POTEE: variants seen among roughly 807,000 people sequenced by gnomAD.
POTEE encodes ANKRD26-like family C member 1A.
POTEE carries 21 observed loss-of-function variants against 74.2 expected under a neutral mutation model. That is an observed-to-expected ratio of 0.28 (90% confidence interval 0.20 to 0.41). The LOEUF is 0.41. Ranked by LOEUF, POTEE falls within the 10% of genes least tolerant of loss-of-function variation. The pLI is 1.00. For missense variants in POTEE, 525 were observed against 1,158.6 expected, an observed-to-expected ratio of 0.45 and a Z score of 7.94; for synonymous variants, 211 against 432.8, an observed-to-expected ratio of 0.49 and a Z score of 6.36.
rs549777707 is a variant in POTEE at position 131,235,651 on chromosome 2, G to T, written c.1127-1081G>T. Among the ~76,000 whole-genome samples the T allele has an allele frequency of 2.0e-5, 3 of 151,854 alleles. No individual in the cohort carries two copies. The South Asian group carries it at 6.3e-4, about 32-fold the overall frequency. ...TACTAAAAACATGAAAATTAGCTGG[G>T]CATGATGGTACATGCCTGTAATCCC... On this transcript the variant is annotated intron_variant, in intron 9 of 17. Transcript: ENST00000683005.
At chr2:131,231,558 C>G (rs926022614) in intron 9 of POTEE, among the ~76,000 whole-genome samples, 2 of 151,976 alleles carry the variant, frequency 1.3e-5, no homozygotes, top group Non-Finnish European at 2.9e-5. Flanking sequence ...ATATGCTTGT[C>G]CCAATAAGGT....
At chr2:131,227,321 T>TA (rs1700813155) in intron 7 of POTEE, among the ~76,000 whole-genome samples, 1 of 149,978 alleles carries the variant, frequency 6.7e-6, no homozygotes, top group Non-Finnish European at 1.5e-5. Context: ...TCTGCTGTAT[T>TA]AAACATAAAT....
chr2:131,243,739 GC>G (rs1701299743), intron 12 of POTEE, among the ~76,000 whole-genome samples: 1 of 136,626 alleles, frequency 7.3e-6, no homozygotes, highest in Non-Finnish European at 1.6e-5. Context: ...GTGGCAGCAT[GC>G]GCCTGTAGTC....
rs376371926 is a variant in POTEE, at chr2:131,218,826, A to G, written c.424A>G (p.Lys142Glu). The G allele has an allele frequency of 1.4e-5, 22 of 1,612,690 alleles. No individual in the cohort carries two copies. Among genetic ancestry groups the G allele is most frequent in the South Asian group, 1.1e-5 (1 of 91,014 alleles). Residue 142 changes from lysine to glutamate, a missense_variant, in exon 4 of 18, where the codon AAG becomes GAG. Coordinates refer to ENST00000683005, the MANE Select transcript of POTEE (RefSeq NM_001083538.3). ...RYHVRGEDLD[K>E]LHRAAWWGKV... is the part of the protein sequence containing the mutation. ...CCACGTCCGTGGAGAAGATCTGGAC[A>G]AGCTCCACAGAGCTGCCTGGTGGGG...
chr2:131,233,881 C>A (rs1371846132), intron 9 of POTEE, among the ~76,000 whole-genome samples: 10 of 149,798 alleles, frequency 6.7e-5, no homozygotes, highest in East Asian at 3.9e-4. Context: ...GATGTGAGGA[C>A]GAAGGAGGAA....
At chr2:131,233,768 C>T (rs111549871) in intron 9 of POTEE, among the ~76,000 whole-genome samples, 5 of 150,532 alleles carry the variant, frequency 3.3e-5, no homozygotes, top group African/African-American at 5.0e-5. Flanking sequence ...AGAGCGGTAT[C>T]GTCAATATGA....
chr2:131,228,821 TC>T (rs1227400028), intron 8 of POTEE, among the ~76,000 whole-genome samples: 1 of 145,998 alleles, frequency 6.8e-6, no homozygotes, highest in Non-Finnish European at 1.5e-5. Flanking sequence ...AGGAAGACAG[TC>T]CCTTTTATCA....
intron 10 of POTEE, among the ~76,000 whole-genome samples, chr2:131,237,434 A>G (rs1701165229): frequency 6.6e-6 from 1 of 151,614 alleles, no homozygotes; most frequent in Non-Finnish European, 1.5e-5. Context: ...ACAGCTGCCT[A>G]TTACAAGAAT....
In POTEE at chr2:131,210,680, G is replaced by A. The variant is rs1700338509; in HGVS notation, c.-344-348G>A. Among the ~76,000 whole-genome samples, 2 of 150,534 alleles carry A rather than the reference G, an allele frequency of 1.3e-5. 1 individual carries two copies. The highest frequency in any genetic ancestry group is 4.3e-4 in the South Asian group (2 of 4,684). On this transcript the variant is annotated intron_variant, in intron 1 of 17. Coordinates refer to ENST00000683005, the MANE Select transcript of POTEE (RefSeq NM_001083538.3). ...TGGGACTACCGGGTGGGGATTAGTGGGCATCGCGGGGGACTGTGGGAACAG... is the reference window on the plus strand; with the variant it reads ...TGGGACTACCGGGTGGGGATTAGTGAGCATCGCGGGGGACTGTGGGAACAG...
At position 131,230,940 on chromosome 2, in the gene POTEE, T is replaced by G. The variant is rs767641416; in HGVS notation, c.1126+34T>G. On this transcript the variant is annotated intron_variant, in intron 9 of 17. Coordinates refer to ENST00000683005, the MANE Select transcript of POTEE (RefSeq NM_001083538.3). Reference sequence around the variant, plus strand: ...TGTGATAGTGAATTACTTTAGTCAGTTGTCCCCAACCTTTTTGACACCAGG... The same window carrying G: ...TGTGATAGTGAATTACTTTAGTCAGGTGTCCCCAACCTTTTTGACACCAGG... 9.6e-6 allele frequency: 15 copies of G among 1,554,742 alleles called. No homozygotes were observed. The South Asian group carries it at 1.5e-4, about 16-fold the overall frequency.
intron 9 of POTEE, among the ~76,000 whole-genome samples, chr2:131,233,607 T>G (rs1353363732): frequency 1.6e-3 from 10 of 6,448 alleles, no homozygotes; most frequent in African/African-American, 2.3e-3. Context: ...GTTGGCCTTT[T>G]TTTTTTGGTG....
At chr2:131,229,927 C>T (rs575778956) in intron 8 of POTEE, among the ~76,000 whole-genome samples, 4 of 152,136 alleles carry the variant, frequency 2.6e-5, no homozygotes, top group Non-Finnish European at 4.4e-5. Flanking sequence ...AGAATGTCAG[C>T]TTGCTACTTC....
At position 131,226,886 on chromosome 2, in the gene POTEE, A is replaced by C; in HGVS notation, c.874A>C (p.Ile292Leu). The change falls in exon 7 of 18, where the codon ATC becomes CTC. Residue 292 changes from isoleucine (I) to leucine (L), a missense_variant. By Grantham distance (5) the Ile-to-Leu change is conservative. Coordinates refer to ENST00000683005, the MANE Select transcript of POTEE (RefSeq NM_001083538.3). Reference sequence around the variant, plus strand: ...AAAACAGCAAGTCGTGAAATTTTTAATCAAGAAAAAAGCGAATTTAAATGC... The same window carrying C: ...AAAACAGCAAGTCGTGAAATTTTTACTCAAGAAAAAAGCGAATTTAAATGC... ...EQKQQVVKFL[I>L]KKKANLNALD... 1 of 1,611,816 alleles carries C rather than the reference A, an allele frequency of 6.2e-7. No homozygotes were observed.
chr2:131,223,734 G>C, intron 5 of POTEE, 24 bp downstream of exon 5: 1 of 1,610,240 alleles, frequency 6.2e-7, no homozygotes, highest in Non-Finnish European at 8.5e-7. Flanking sequence ...AACTATATCA[G>C]CATGAGGTGG....
At chr2:131,211,760 G>A (rs1700364832) in intron 2 of POTEE, among the ~76,000 whole-genome samples, 1 of 151,462 alleles carries the variant, frequency 6.6e-6, no homozygotes. Context: ...GTTTCACAGT[G>A]TTGGCCAGGA....
At position 131,226,492 on chromosome 2, in the gene POTEE, C is replaced by A. The variant is rs1466394868; in HGVS notation, c.811-331C>A. On this transcript the variant is annotated intron_variant, in intron 6 of 17. Coordinates refer to ENST00000683005, the MANE Select transcript of POTEE (RefSeq NM_001083538.3). ...TAGAGACAAAAGATACAGCCCCTGC[C>A]CTCAAGAAGCTTTTTGTTTAGATGG... 2.2e-5 allele frequency among the ~76,000 whole-genome samples: 3 copies of A among 137,678 alleles called. No homozygotes were observed. In the Admixed American group the frequency reaches 2.2e-4, roughly 10 times the overall value. 90.3% of individuals were successfully genotyped at this position (137,678 alleles called of 152,430 possible). A position where few individuals can be genotyped will look rare whatever the true frequency, so the allele number is the denominator to read the frequency against.
At chr2:131,220,805 C>G (rs1176907476) in intron 4 of POTEE, among the ~76,000 whole-genome samples, 2 of 151,408 alleles carry the variant, frequency 1.3e-5, no homozygotes, top group East Asian at 3.9e-4. Context: ...ACTAAAAATA[C>G]AAAAAATTAG....
At position 131,220,978 on chromosome 2, in the gene POTEE, A is replaced by G. The variant is rs1469377388; in HGVS notation, c.521+2055A>G. ...TCCATCTCAAAAAAAAAAAAAGAAA[A>G]AAAAAAAGGAATGAAATACTGTTTT... On this transcript the variant is annotated intron_variant, in intron 4 of 17. Transcript: ENST00000683005. 3.3e-3 allele frequency among the ~76,000 whole-genome samples: 502 copies of G among 151,998 alleles called. 2 individuals carry two copies. The highest frequency in any genetic ancestry group is 4.5e-3 in the Non-Finnish European group (305 of 67,974).
chr2:131,211,880 A>AT (rs2105056952), intron 2 of POTEE, among the ~76,000 whole-genome samples: 1 of 149,342 alleles, frequency 6.7e-6, no homozygotes, highest in Admixed American at 6.7e-5. Context: ...TTTTGTTGTG[A>AT]TGGTCTTGGA....
Sources: gnomAD v4.1 joint callset for allele counts (sites outside exome capture counted in the v4.1 genomes callset) on GRCh38, gnomAD v4.1.1 for gene constraint, MANE v1.5 for transcripts, NCBI Gene and HGNC (gene_info 2026-07-23, HGNC 2026-07-21) for gene names.